The following GRIK2 variants were observed in gnomAD, a reference collection of about 807,000 sequenced individuals.
The protein encoded by GRIK2 is glutamate receptor ionotropic, kainate 2.
In GRIK2, 32 loss-of-function variants were observed where a neutral mutation model predicts 100.3. That is an observed-to-expected ratio of 0.32 (90% CI 0.24 to 0.43). The LOEUF (loss-of-function observed/expected upper bound fraction) is 0.43, where lower values mean the gene tolerates loss of function less well. GRIK2 is among the 20% of genes least tolerant of loss of function. GRIK2 has a pLI of 1.00. For synonymous variants in GRIK2, 417 were observed against 389.4 expected (o/e 1.07, Z -0.83); for missense variants, 843 against 1,114.9 (o/e 0.76, Z 3.47).
chr6:101,628,452 C>A (rs562040942), intron 4 of GRIK2, among the ~76,000 whole-genome samples: 1 of 152,000 alleles, frequency 6.6e-6, no homozygotes, highest in East Asian at 1.9e-4. Flanking sequence ...TCTCTGTTAG[C>A]TCAAATTAAA....
intron 16 of GRIK2, among the ~76,000 whole-genome samples, chr6:102,064,552 G>T (rs1349862679): frequency 6.7e-6 from 1 of 149,724 alleles, no homozygotes; most frequent in Non-Finnish European, 1.5e-5. Context: ...TGGGTTTTGA[G>T]ACTTATTTCA....
intron 4 of GRIK2, among the ~76,000 whole-genome samples, chr6:101,628,194 G>T (rs1780550888): frequency 6.6e-6 from 1 of 151,826 alleles, no homozygotes; most frequent in Admixed American, 6.6e-5. Context: ...TTGCCCATTT[G>T]CCAATAAAAT....
intron 10 of GRIK2, among the ~76,000 whole-genome samples, chr6:101,836,853 A>G (rs981327131): frequency 5.9e-5 from 9 of 151,406 alleles, no homozygotes; most frequent in African/African-American, 1.9e-4. Flanking sequence ...TTTAGTAGAG[A>G]TGGGGTTTCA....
chr6:101,579,849 TAA>T (rs756184787), intron 2 of GRIK2, among the ~76,000 whole-genome samples: 169 of 128,818 alleles, frequency 1.3e-3, no homozygotes, highest in African/African-American at 4.1e-3. Flanking sequence ...GACTGTGTCT[TAA>T]AAAAAAAAAA....
At chr6:101,686,752 A>G (rs2128344245) in intron 7 of GRIK2, among the ~76,000 whole-genome samples, 2 of 152,208 alleles carry the variant, frequency 1.3e-5, no homozygotes, top group Middle Eastern at 6.8e-3. Flanking sequence ...TATATAAATG[A>G]CTTATGTCAC....
intron 11 of GRIK2, among the ~76,000 whole-genome samples, chr6:101,865,873 A>G (rs1438207346): frequency 6.6e-6 from 1 of 151,386 alleles, no homozygotes; most frequent in Non-Finnish European, 1.5e-5. Flanking sequence ...TGGGCAACAC[A>G]GTGAGACCCC....
chr6:101,429,527 A>C (rs560317456), intron 2 of GRIK2, among the ~76,000 whole-genome samples: 71 of 152,272 alleles, frequency 4.7e-4, no homozygotes, highest in African/African-American at 1.7e-3. Flanking sequence ...TAGTACCAAG[A>C]GCCTAAAAAG....
At chr6:101,948,326 A>T (rs918064669) in intron 14 of GRIK2, among the ~76,000 whole-genome samples, 1 of 150,344 alleles carries the variant, frequency 6.7e-6, no homozygotes. Context: ...TTTTTTTTTT[A>T]AAGTCTCTTC....
chr6:101,952,606 A>ATTT (rs558786033), intron 14 of GRIK2, among the ~76,000 whole-genome samples: 14 of 144,806 alleles, frequency 9.7e-5, no homozygotes, highest in African/African-American at 3.5e-4. Flanking sequence ...TCACCACAAT[A>ATTT]TTTTTTTTTT....
chr6:101,723,864 A>G (rs1774667307), intron 7 of GRIK2, among the ~76,000 whole-genome samples: 1 of 152,004 alleles, frequency 6.6e-6, no homozygotes, highest in Admixed American at 6.6e-5. Context: ...TCTCAAAGAT[A>G]ATGTTAACAT....
intron 2 of GRIK2, among the ~76,000 whole-genome samples, chr6:101,491,544 T>C (rs962161251): frequency 1.3e-5 from 2 of 152,046 alleles, no homozygotes; most frequent in Admixed American, 6.6e-5. Context: ...AATGCCTGCA[T>C]ACTTACCACT....
In GRIK2 at chr6:101,695,946, C is replaced by A. The variant is rs1288737558; in HGVS notation, c.951+9593C>A. Among the ~76,000 whole-genome samples the A allele has an allele frequency of 2.0e-5, 3 of 151,954 alleles. No homozygotes were observed. The East Asian group carries it at 5.8e-4, about 29-fold the overall frequency. ...AATTGTTGTATGGGTACTTGAAGTA[C>A]AATTTCTACTTTTTGCATATGGCTT... On this transcript the variant is annotated intron_variant, in intron 7 of 16. Coordinates refer to ENST00000369134, the MANE Select transcript of GRIK2 (RefSeq NM_021956.5).
intron 4 of GRIK2, among the ~76,000 whole-genome samples, chr6:101,638,139 T>G (rs1781110728): frequency 6.6e-6 from 1 of 151,514 alleles, no homozygotes; most frequent in Non-Finnish European, 1.5e-5. Context: ...GCTCTAAATA[T>G]CTTACAATTT....
At chr6:101,771,161 AT>A (rs1305067189) in intron 7 of GRIK2, among the ~76,000 whole-genome samples, 1 of 152,074 alleles carries the variant, frequency 6.6e-6, no homozygotes, top group Non-Finnish European at 1.5e-5. Context: ...TGATTCTTTC[AT>A]TTTGAGCTGT....
At chr6:101,571,457 A>T (rs1029473247) in intron 2 of GRIK2, among the ~76,000 whole-genome samples, 1 of 152,066 alleles carries the variant, frequency 6.6e-6, no homozygotes, top group Non-Finnish European at 1.5e-5. Context: ...AAATTTTGCC[A>T]TGTGTTTTTA....
chr6:101,920,274 C>T (rs1367050297), intron 12 of GRIK2, among the ~76,000 whole-genome samples: 9 of 151,886 alleles, frequency 5.9e-5, no homozygotes, highest in Admixed American at 5.3e-4. Context: ...TCTCTCTCAT[C>T]CCCAATCGAG....
At chr6:102,047,727 T>C (rs1483709340) in intron 15 of GRIK2, among the ~76,000 whole-genome samples, 1 of 151,714 alleles carries the variant, frequency 6.6e-6, no homozygotes, top group East Asian at 1.9e-4. Flanking sequence ...CCAGCCTGGG[T>C]GGCAGAGCAA....
intron 2 of GRIK2, among the ~76,000 whole-genome samples, chr6:101,404,604 A>G (rs911001412): frequency 2.0e-5 from 3 of 152,228 alleles, no homozygotes; most frequent in Admixed American, 6.5e-5. Context: ...AAAATGTAAC[A>G]TACTTAAATT....
intron 14 of GRIK2, among the ~76,000 whole-genome samples, chr6:101,970,174 A>T (rs1737763129): frequency 6.6e-6 from 1 of 151,634 alleles, no homozygotes; most frequent in Non-Finnish European, 1.5e-5. Context: ...TAAACCAATC[A>T]ATCAAATCTA....
Sources: gnomAD v4.1 joint callset for allele counts (sites outside exome capture counted in the v4.1 genomes callset) on GRCh38, gnomAD v4.1.1 for gene constraint, MANE v1.5 for transcripts, NCBI Gene and HGNC (gene_info 2026-07-23, HGNC 2026-07-21) for gene names.